The following A1CF variants were observed in gnomAD, a reference collection of about 807,000 sequenced individuals.
A1CF encodes APOBEC-1 stimulating protein.
Under a neutral mutation model 68.9 loss-of-function variants are expected in A1CF, and 48 were observed. The observed-to-expected ratio is 0.70, with a 90% confidence interval of 0.55 to 0.89. The LOEUF (loss-of-function observed/expected upper bound fraction) is 0.89. Among genes scored for constraint, A1CF ranks in the 40% least tolerant of loss-of-function variants. The pLI, the probability that A1CF is intolerant of heterozygous loss-of-function variation, is 0.00. For synonymous variants in A1CF, 272 were observed against 260.4 expected (o/e 1.04, Z -0.43); for missense variants, 653 against 718.9 (o/e 0.91, Z 1.05).
At chr10:50,827,075 C>T (rs776068510) in intron 7 of A1CF, among the ~76,000 whole-genome samples, 12 of 151,976 alleles carry the variant, frequency 7.9e-5, no homozygotes, top group African/African-American at 1.4e-4. Flanking sequence ...TTCAACAAGA[C>T]GAGCTAACTA....
At chr10:50,826,846 TAAAG>T (rs1838965949) in intron 7 of A1CF, among the ~76,000 whole-genome samples, 1 of 152,076 alleles carries the variant, frequency 6.6e-6, no homozygotes, top group African/African-American at 2.4e-5. Context: ...GCAAATTGGA[TAAAG>T]AGTCAAGACT....
chr10:50,856,775 GTTA>G (rs923214647), intron 3 of A1CF, among the ~76,000 whole-genome samples: 2 of 151,856 alleles, frequency 1.3e-5, no homozygotes, highest in African/African-American at 4.8e-5. Context: ...AATATTTTTT[GTTA>G]TTATTATTAT....
chr10:50,821,227 A>G (rs1416484883), intron 7 of A1CF, among the ~76,000 whole-genome samples: 1 of 152,204 alleles, frequency 6.6e-6, no homozygotes. Flanking sequence ...AAAAAGAAGA[A>G]AAAGAAAGTT....
At chr10:50,880,994 C>CTT (rs1288535656) in intron 1 of A1CF, among the ~76,000 whole-genome samples, 3 of 143,952 alleles carry the variant, frequency 2.1e-5, no homozygotes, top group Non-Finnish European at 3.1e-5. Flanking sequence ...CATTTAGACT[C>CTT]TTTTTTTTTT....
chr10:50,844,153 G>A (rs1839897925), intron 3 of A1CF, 31 bp from the exon 4 acceptor site: 1 of 1,595,220 alleles, frequency 6.3e-7, no homozygotes, highest in Non-Finnish European at 8.5e-7. Flanking sequence ...TGAAGGAGAG[G>A]AGAAAATGAT....
chr10:50,870,489 C>G (rs1250654560), intron 1 of A1CF, among the ~76,000 whole-genome samples: 3 of 151,822 alleles, frequency 2.0e-5, no homozygotes, highest in African/African-American at 7.2e-5. Flanking sequence ...GATTCATAGA[C>G]TTTTAAAAAA....
intron 10 of A1CF, among the ~76,000 whole-genome samples, chr10:50,811,997 C>CTTACAGAGTTATTT (rs1165841768): frequency 1.1e-4 from 16 of 152,214 alleles, no homozygotes; most frequent in African/African-American, 3.9e-4. Flanking sequence ...CAGGATGTGT[C>CTTACAGAGTTATTT]TCTGAGGTTT....
chr10:50,815,028 C>T (rs1838299066), intron 9 of A1CF, among the ~76,000 whole-genome samples: 1 of 152,112 alleles, frequency 6.6e-6, no homozygotes, highest in African/African-American at 2.4e-5. Context: ...TTTAGTTATA[C>T]TGAAAAGTAG....
At chr10:50,875,293 C>A (rs1399467062) in intron 1 of A1CF, among the ~76,000 whole-genome samples, 1 of 151,632 alleles carries the variant, frequency 6.6e-6, no homozygotes, top group Non-Finnish European at 1.5e-5. Flanking sequence ...CTTAAAAAAT[C>A]TGACTCTTAC....
rs1219167428 is a variant in A1CF at position 50,828,173 on chromosome 10, A to T, written c.727T>A (p.Ser243Thr). ...AATTCCTTTTCAATCATCTCTTCAG[A>T]GGTAGACAGCATAAGATTTCTTACA... The part of the protein sequence containing the change: ...LYVRNLMLST[S>T]EEMIEKEFNN... Residue 243 changes from serine to threonine, a missense_variant, in exon 7 of 13, where the codon TCT becomes ACT. Ser to Thr is a moderately conservative substitution (Grantham distance 58, BLOSUM62 1). Transcript: ENST00000373997. 4 of 1,606,180 alleles carry T rather than the reference A, an allele frequency of 2.5e-6. No homozygotes were observed. The highest frequency in any genetic ancestry group is 3.4e-6 in the Non-Finnish European group (4 of 1,174,676).
intron 8 of A1CF, among the ~76,000 whole-genome samples, chr10:50,818,745 A>T (rs551782183): frequency 2.0e-5 from 3 of 152,126 alleles, no homozygotes; most frequent in Admixed American, 6.5e-5. Flanking sequence ...TGTATTTCAG[A>T]GTGAATACTT....
intron 1 of A1CF, among the ~76,000 whole-genome samples, chr10:50,865,475 T>A (rs1840945917): frequency 1.3e-5 from 2 of 152,172 alleles, no homozygotes; most frequent in Admixed American, 1.3e-4. Flanking sequence ...ATTATATCAT[T>A]TTAATTATTA....
At chr10:50,827,342 T>A (rs1369083399) in intron 7 of A1CF, among the ~76,000 whole-genome samples, 9 of 152,004 alleles carry the variant, frequency 5.9e-5, no homozygotes, top group South Asian at 2.1e-4. Context: ...TCTTCTCAGC[T>A]CCACATCACA....
intron 8 of A1CF, among the ~76,000 whole-genome samples, chr10:50,818,608 C>A (rs372694406): frequency 6.6e-6 from 1 of 152,106 alleles, no homozygotes; most frequent in African/African-American, 2.4e-5. Context: ...GAAAATCTAA[C>A]TTACAAATTG....
rs745816976 is a variant in A1CF, at chr10:50,836,118, T to C, written c.560A>G (p.Glu187Gly). The change falls in exon 6 of 13, where the codon GAG becomes GGG. Residue 187 changes from glutamate (E) to glycine (G), a missense_variant. By Grantham distance (98) the Glu-to-Gly change is moderately conservative. Transcript: ENST00000373997. ...KNRGFAFVEY[E>G]SHRAAAMARR... ...CGCCATGGCAGCTGCTCGATGACTC[T>C]CATACTCCACGAAGGCAAAGCCTCG... 6.2e-7 allele frequency: 1 copy of C among 1,613,946 alleles called. No homozygotes were observed. The highest frequency in any genetic ancestry group is 1.1e-5 in the South Asian group (1 of 91,066).
In A1CF at chr10:50,804,927, G is replaced by T. The variant is rs771797387; in HGVS notation, c.*1802C>A. On this transcript the variant is annotated 3_prime_UTR_variant, in exon 13 of 13. Coordinates refer to ENST00000373997, the MANE Select transcript of A1CF (RefSeq NM_014576.4). ...TGTAAATTTTATGAGATATGTTATT[G>T]GCATTAGCATTTAAAAAGCTCTCCA... 6.6e-6 allele frequency: 1 copy of T among 152,076 alleles called. No individual in the cohort carries two copies. The highest frequency in any genetic ancestry group is 1.5e-5 in the Non-Finnish European group (1 of 68,004). The allele number at this position is 152,076 out of a possible 1,614,324, so 9.4% of individuals were successfully genotyped here. A position where few individuals can be genotyped will look rare whatever the true frequency, so the allele number is the denominator to read the frequency against.
chr10:50,814,430 A>T (rs1838271351), intron 9 of A1CF, among the ~76,000 whole-genome samples: 1 of 152,214 alleles, frequency 6.6e-6, no homozygotes, highest in Non-Finnish European at 1.5e-5. Context: ...ACATAATGCG[A>T]CCACTTATTT....
intron 1 of A1CF, among the ~76,000 whole-genome samples, chr10:50,868,821 G>A (rs1283110020): frequency 6.6e-6 from 1 of 152,074 alleles, no homozygotes; most frequent in East Asian, 1.9e-4. Context: ...ACTTACACAG[G>A]GACAGAACTG....
chr10:50,844,001 G>A lies in A1CF; in HGVS notation c.221C>T (p.Pro74Leu), dbSNP rs1209705278. The A allele has an allele frequency of 1.2e-6, 2 of 1,613,386 alleles. No homozygotes were observed. Among genetic ancestry groups the A allele is most frequent in the East Asian group, 2.2e-5 (1 of 44,840 alleles). The change falls in exon 4 of 13, where the codon CCA (proline) becomes CTA (leucine). Residue 74 changes from proline to leucine, a missense_variant. Coordinates refer to ENST00000373997, the MANE Select transcript of A1CF (RefSeq NM_014576.4). Reference sequence around the variant, plus strand: ...ATTTGGACTCACTTTTTCACATAATGGTATAAGCTCATCCTCAAAAAGGTC... The same window carrying A: ...ATTTGGACTCACTTTTTCACATAATAGTATAAGCTCATCCTCAAAAAGGTC... ...PRDLFEDELI[P>L]LCEKIGKIYE...
Sources: gnomAD v4.1 joint callset for allele counts (sites outside exome capture counted in the v4.1 genomes callset) on GRCh38, gnomAD v4.1.1 for gene constraint, MANE v1.5 for transcripts, NCBI Gene and HGNC (gene_info 2026-07-23, HGNC 2026-07-21) for gene names.